The following FANK1 variants were observed in gnomAD, a reference collection of about 807,000 sequenced individuals.
FANK1 encodes fibronectin type III and ankyrin repeat domains 1.
FANK1 carries 44 observed loss-of-function variants against 45.3 expected under a neutral mutation model. The observed-to-expected ratio is 0.97, with a 90% CI of 0.76 to 1.25. The LOEUF is 1.25. Ranked by LOEUF, FANK1 falls within the 50% of genes most tolerant of loss-of-function variation. The pLI is 0.00. For synonymous variants in FANK1, 149 were observed against 152.5 expected, an observed-to-expected ratio of 0.98 and a Z score of 0.17; for missense variants, 391 against 424.4, an observed-to-expected ratio of 0.92 and a Z score of 0.69.
At position 125,971,963 on chromosome 10, in the gene FANK1, G is replaced by A. The variant is rs192346632; in HGVS notation, c.14-8198G>A. Among the ~76,000 whole-genome samples, 12 of 152,214 alleles carry A rather than the reference G, an allele frequency of 7.9e-5. No individual in the cohort carries two copies. The East Asian group carries it at 2.1e-3, about 27-fold the overall frequency. The stretch of plus-strand genomic sequence containing the variant: ...CATTTTATATCTCTACTCTTAAGAG[G>A]CAGTATGGTACAAGGTTAAAAGTAA... On this transcript the variant is annotated intron_variant, in intron 1 of 10. Coordinates refer to ENST00000368693, the MANE Select transcript of FANK1 (RefSeq NM_145235.5).
At chr10:125,916,847 C>A (rs546306413) in intron 1 of FANK1, among the ~76,000 whole-genome samples, 1 of 152,314 alleles carries the variant, frequency 6.6e-6, no homozygotes, top group South Asian at 2.1e-4. Flanking sequence ...GACCTTCCCA[C>A]CCTCTTCTCT....
chr10:125,912,240 G>A (rs1946073236), intron 1 of FANK1, among the ~76,000 whole-genome samples: 1 of 152,172 alleles, frequency 6.6e-6, no homozygotes, highest in Non-Finnish European at 1.5e-5. Flanking sequence ...ATTTGCACAT[G>A]AGATAAACCT....
intron 1 of FANK1, among the ~76,000 whole-genome samples, chr10:125,910,501 T>C (rs1945903277): frequency 6.6e-6 from 1 of 152,248 alleles, no homozygotes; most frequent in Admixed American, 6.5e-5. Context: ...CCAGAGATAG[T>C]TTAAACCTTG....
intron 1 of FANK1, among the ~76,000 whole-genome samples, chr10:125,945,582 C>T (rs1243527388): frequency 6.6e-6 from 1 of 152,218 alleles, no homozygotes; most frequent in Admixed American, 6.5e-5. Flanking sequence ...ATATCCCACA[C>T]CTGGCTGGGA....
chr10:125,994,709 A>G (rs1268996033), intron 3 of FANK1: 1 of 985,316 alleles, frequency 1.0e-6, no homozygotes. Context: ...GCTTCTACAT[A>G]GCCCTTTATT....
intron 1 of FANK1, among the ~76,000 whole-genome samples, chr10:125,910,254 T>G (rs1292511918): frequency 6.6e-6 from 1 of 152,246 alleles, no homozygotes; most frequent in Admixed American, 6.5e-5. Context: ...TGTACAGCTC[T>G]AGCATAAAGA....
chr10:125,992,339 A>ACACAGGT (rs1344455952), intron 3 of FANK1, among the ~76,000 whole-genome samples: 1 of 152,140 alleles, frequency 6.6e-6, no homozygotes, highest in Non-Finnish European at 1.5e-5. Flanking sequence ...CTGTTGCTTC[A>ACACAGGT]CACAGGTTTC....
chr10:125,962,301 T>C (rs35380474), intron 1 of FANK1, among the ~76,000 whole-genome samples: 3,617 of 152,306 alleles, frequency 0.024, 79 homozygotes, highest in Non-Finnish European at 0.034. Context: ...TACATTAGAA[T>C]GCTACTTGGC....
chr10:125,918,585 A>AAAAATATATATATATAT (rs1554913277), intron 1 of FANK1, among the ~76,000 whole-genome samples: 3 of 70,974 alleles, frequency 4.2e-5, no homozygotes, highest in African/African-American at 2.4e-4. Context: ...AAAAAAAAAA[A>AAAAATATATATATATAT]ATATATATAT....
intron 1 of FANK1, among the ~76,000 whole-genome samples, chr10:125,963,951 G>A (rs1445655377): frequency 6.6e-6 from 1 of 151,992 alleles, no homozygotes; most frequent in African/African-American, 2.4e-5. Context: ...TACCTATTTA[G>A]TTGGGAGAAG....
At chr10:125,948,661 C>G (rs1320913912) in intron 1 of FANK1, among the ~76,000 whole-genome samples, 1 of 152,208 alleles carries the variant, frequency 6.6e-6, no homozygotes, top group Non-Finnish European at 1.5e-5. Context: ...CAGATGGATT[C>G]ACAGCTGAAT....
intron 1 of FANK1, among the ~76,000 whole-genome samples, chr10:125,922,543 G>A (rs1351024621): frequency 2.6e-5 from 4 of 152,198 alleles, no homozygotes; most frequent in Admixed American, 2.0e-4. Context: ...TTGAGACAGG[G>A]TCTCACTCTG....
chr10:125,970,184 C>A (rs1394934341), intron 1 of FANK1, among the ~76,000 whole-genome samples: 2 of 152,202 alleles, frequency 1.3e-5, no homozygotes, highest in East Asian at 3.9e-4. Context: ...GGGCTTCTCA[C>A]TTCCCAGACG....
chr10:125,995,163 A>G (rs886214814), intron 3 of FANK1, among the ~76,000 whole-genome samples: 8 of 152,216 alleles, frequency 5.3e-5, no homozygotes, highest in Admixed American at 1.3e-4. Context: ...ATATCAAAGT[A>G]ACATTCACAA....
intron 2 of FANK1, among the ~76,000 whole-genome samples, chr10:125,985,393 TA>T (rs1172443070): frequency 6.6e-6 from 1 of 152,226 alleles, no homozygotes; most frequent in African/African-American, 2.4e-5. Context: ...TACCTACTCA[TA>T]AGACTACTTT....
intron 1 of FANK1, among the ~76,000 whole-genome samples, chr10:125,970,904 G>T (rs1209443533): frequency 6.6e-6 from 1 of 152,136 alleles, no homozygotes; most frequent in Non-Finnish European, 1.5e-5. Flanking sequence ...GTTGATTTTT[G>T]TCACCTTAGG....
intron 1 of FANK1, among the ~76,000 whole-genome samples, chr10:125,901,748 G>A (rs1157564119): frequency 2.0e-5 from 3 of 152,154 alleles, no homozygotes; most frequent in Admixed American, 6.5e-5. Context: ...TAAAGTGGTG[G>A]TGCCCCCTCT....
intron 4 of FANK1, among the ~76,000 whole-genome samples, chr10:125,995,719 GTAAAA>G (rs1158756955): frequency 2.9e-4 from 44 of 152,274 alleles, no homozygotes; most frequent in South Asian, 1.0e-3. Context: ...AATAGAAATT[GTAAAA>G]GGAATTACAA....
At chr10:125,921,916 C>T (rs3952684) in intron 1 of FANK1, among the ~76,000 whole-genome samples, 1 of 152,144 alleles carries the variant, frequency 6.6e-6, no homozygotes. Flanking sequence ...AAAGAACCAA[C>T]TTTGGATTTT....
Sources: gnomAD v4.1 joint callset for allele counts (sites outside exome capture counted in the v4.1 genomes callset) on GRCh38, gnomAD v4.1.1 for gene constraint, MANE v1.5 for transcripts, NCBI Gene and HGNC (gene_info 2026-07-23, HGNC 2026-07-21) for gene names.